The following DOK2 variants were observed in gnomAD, a reference collection of about 807,000 sequenced individuals.
The protein encoded by DOK2 is docking protein 2, 56kD.
A neutral mutation model predicts 26.0 loss-of-function variants in DOK2; 28 were observed. That is an observed-to-expected ratio of 1.08 (90% confidence interval 0.80 to 1.48). DOK2 has a LOEUF of 1.48. Among genes scored for constraint, DOK2 ranks in the 40% most tolerant of loss-of-function variants. The pLI, the probability that DOK2 is intolerant of heterozygous loss-of-function variation, is 0.00. For missense variants in DOK2, 682 were observed against 558.2 expected, an observed-to-expected ratio of 1.22 and a Z score of -2.23; for synonymous variants, 282 against 236.9, an observed-to-expected ratio of 1.19 and a Z score of -1.75.
Position 21,910,795 on chromosome 8 carries a change from G to T in DOK2, c.496C>A (p.Leu166Met), listed in dbSNP as rs780508425. Residue 166 changes from leucine to methionine, a missense_variant, in exon 4 of 5, where the codon CTG becomes ATG. Transcript: ENST00000276420. Reference sequence around the variant, plus strand: ...GCCCGGAGGGTATAGGACCCCCGCAGGTGGCACCTCTCACTGGCTTCTGTA... The same window carrying T: ...GCCCGGAGGGTATAGGACCCCCGCATGTGGCACCTCTCACTGGCTTCTGTA... ...RPTEASERCHLRGSYTLRAGE... is the reference protein window; with the variant it reads ...RPTEASERCHMRGSYTLRAGE... 2 of 1,613,768 alleles carry T rather than the reference G, an allele frequency of 1.2e-6. No individual in the cohort carries two copies. The highest frequency in any genetic ancestry group is 3.3e-5 in the Admixed American group (2 of 59,970).
intron 3 of DOK2, 122 bp downstream of exon 3, chr8:21,911,779 A>AG: frequency 9.0e-7 from 1 of 1,111,920 alleles, no homozygotes; most frequent in South Asian, 1.7e-5. Context: ...GGGCTGGCCC[A>AG]GGCTGGGGAT....
At position 21,909,755 on chromosome 8, in the gene DOK2, G is replaced by A. The variant is rs2117201627; in HGVS notation, c.795C>T (p.Pro265=). The A allele has an allele frequency of 6.2e-7, 1 of 1,613,848 alleles. No homozygotes were observed. The highest frequency in any genetic ancestry group is 8.5e-7 in the Non-Finnish European group (1 of 1,180,030). The part of the protein sequence containing the change: ...PQPATIPASL[P]RPDSPYSRPH... ...GCCGAGAGTAGGGGCTATCAGGCCG[G>A]GGCAGCGACGCGGGGATTGTGGCTG... The change falls in exon 5 of 5, where the codon CCC becomes CCT. Residue 265 remains proline (P), a synonymous_variant. Transcript: ENST00000276420.
intron 3 of DOK2, among the ~76,000 whole-genome samples, chr8:21,911,243 C>T (rs922108237): frequency 2.6e-5 from 4 of 152,170 alleles, no homozygotes; most frequent in Admixed American, 2.6e-4. Context: ...CTCCCACTGC[C>T]GGGGCCCTGG....
rs140347319 is a variant in DOK2, at chr8:21,909,635, C to G, written c.915G>C (p.Ala305=). Residue 305 remains alanine, a synonymous_variant, in exon 5 of 5, where the codon GCG becomes GCC. Coordinates refer to ENST00000276420, the MANE Select transcript of DOK2 (RefSeq NM_003974.4). ...QEGEYAVPFD[A]VARSLGKNFR... The stretch of plus-strand genomic sequence containing the variant: ...AGTTCTTCCCCAAGGAACGGGCCAC[C>G]GCATCGAAGGGCACGGCATACTCCC... The G allele has an allele frequency of 2.8e-5, 45 of 1,613,356 alleles. No homozygotes were observed. Among genetic ancestry groups the G allele is most frequent in the Non-Finnish European group, 3.8e-5 (45 of 1,180,042 alleles).
rs17853066 is a variant in DOK2, at chr8:21,909,389, G to C, written c.1161C>G (p.Ala387=). The change falls in exon 5 of 5, where the codon GCC becomes GCG. Residue 387 remains alanine (A), a synonymous_variant. Transcript: ENST00000276420. ...DPAGLQHVQP[A]GQDFSASGWQ... is the part of the protein sequence containing the mutation. ...AGCCAGAAGCAGAGAAATCCTGCCC[G>C]GCTGGCTGGACATGCTGGAGGCCAG... 11 of 1,598,694 alleles carry C rather than the reference G, an allele frequency of 6.9e-6. No individual in the cohort carries two copies. Among genetic ancestry groups the C allele is most frequent in the Non-Finnish European group, 9.4e-6 (11 of 1,171,646 alleles).
Position 21,912,371 on chromosome 8 carries a change from AC to A in DOK2, c.202del (p.Val68TrpfsTer86). ...KVIRLSDCLR[V>X]AEAGGEASSP... is the part of the protein sequence containing the mutation. ...GCTGGCCTCTCCGCCGGCCTCGGCC[AC>A]CCGCAGGCAGTCACTGAGGCGGATG... On this transcript the variant is annotated frameshift_variant, in exon 2 of 5. Coordinates refer to ENST00000276420, the MANE Select transcript of DOK2 (RefSeq NM_003974.4). LOFTEE classifies it high-confidence loss of function. 6.2e-7 allele frequency: 1 copy of A among 1,605,494 alleles called. No homozygotes were observed. The highest frequency in any genetic ancestry group is 1.3e-5 in the African/African-American group (1 of 74,822).
chr8:21,913,467 T>G (rs1017351456), intron 1 of DOK2, 72 bp downstream of exon 1: 3 of 1,581,338 alleles, frequency 1.9e-6, no homozygotes, highest in Admixed American at 1.7e-5. Flanking sequence ...AATATGAAAC[T>G]CCCTCTCCAA....
rs1326259935 is a variant in DOK2, at chr8:21,910,677, T to C, written c.614A>G (p.Asp205Gly). 6.2e-7 allele frequency: 1 copy of C among 1,613,886 alleles called. No individual in the cohort carries two copies. Among genetic ancestry groups the C allele is most frequent in the East Asian group, 2.2e-5 (1 of 44,864 alleles). ...PYRFLRRFGRDKVTFSFEAGR... is the reference protein window; with the variant it reads ...PYRFLRRFGRGKVTFSFEAGR... ...CTGATGCAGCTTCCCACTCACCTTG[T>C]CCCGCCCAAAGCGCCGCAGAAACCT... Residue 205 changes from aspartate to glycine, a missense_variant, in exon 4 of 5, where the codon GAC (aspartate) becomes GGC (glycine). Coordinates refer to ENST00000276420, the MANE Select transcript of DOK2 (RefSeq NM_003974.4).
chr8:21,912,732 G>A (rs924157056), intron 1 of DOK2, among the ~76,000 whole-genome samples: 4 of 152,190 alleles, frequency 2.6e-5, no homozygotes, highest in African/African-American at 9.6e-5. Flanking sequence ...CGAGAAGGAG[G>A]CCCACGAGCA....
At chr8:21,912,036 C>G (rs773672735) in intron 2 of DOK2, 48 bp from the exon 3 acceptor site, 2 of 1,528,428 alleles carry the variant, frequency 1.3e-6, no homozygotes, top group Admixed American at 2.0e-5. Flanking sequence ...TCCCCAGGCC[C>G]CCCTCTGGCC....
intron 1 of DOK2, among the ~76,000 whole-genome samples, 174 bp downstream of exon 1, chr8:21,913,365 C>A (rs1196958732): frequency 6.6e-6 from 1 of 152,190 alleles, no homozygotes; most frequent in African/African-American, 2.4e-5. Flanking sequence ...GGGCCTGGTT[C>A]AGGAGACAGC....
intron 3 of DOK2, chr8:21,911,082 C>T (rs1343653373): frequency 7.6e-5 from 43 of 566,886 alleles, no homozygotes; most frequent in Non-Finnish European, 1.6e-5. Flanking sequence ...CATCACGCCC[C>T]TACCCACATC....
At chr8:21,912,600 G>T (rs770853017) in intron 1 of DOK2, 90 bp from the exon 2 acceptor site, 138 of 1,306,238 alleles carry the variant, frequency 1.1e-4, no homozygotes, top group Non-Finnish European at 1.3e-4. Flanking sequence ...AACCGTGGGA[G>T]GGGGACTGGG....
chr8:21,912,705 A>C, intron 1 of DOK2, 195 bp from the exon 2 acceptor site: 1 of 602,422 alleles, frequency 1.7e-6, no homozygotes, highest in South Asian at 2.2e-5. Flanking sequence ...AGAAAATCGG[A>C]GATCAGCCGC....
rs745897950 is a variant in DOK2 at position 21,909,898 on chromosome 8, C to T, written c.652G>A (p.Val218Ile). 2.5e-5 allele frequency: 40 copies of T among 1,612,348 alleles called. No homozygotes were observed. Among genetic ancestry groups the T allele is most frequent in the Middle Eastern group, 1.6e-4 (1 of 6,082 alleles). The change falls in exon 5 of 5, where the codon GTC becomes ATC. Residue 218 changes from valine (V) to isoleucine (I), a missense_variant. Physicochemically the swap from Val to Ile is conservative, Grantham distance 29. Coordinates refer to ENST00000276420, the MANE Select transcript of DOK2 (RefSeq NM_003974.4). ...AACTCAAAGTTGCCCTCTCCAGAGA[C>T]GCAGCGACGGCCTGCCTCAAAGGAA... ...TFSFEAGRRC[V>I]SGEGNFEFET...
In DOK2 at chr8:21,909,304, G is replaced by A. The variant is rs1409475888; in HGVS notation, c.*7C>T. On this transcript the variant is annotated 3_prime_UTR_variant, in exon 5 of 5. Coordinates refer to ENST00000276420, the MANE Select transcript of DOK2 (RefSeq NM_003974.4). ...AGGGGCGGTGGACCATCCCTCTGCT[G>A]CCTCTGTCACTTTGGGCCTTTCTTT... The A allele has an allele frequency of 2.6e-6, 4 of 1,524,300 alleles. No homozygotes were observed. Among genetic ancestry groups the A allele is most frequent in the South Asian group, 1.3e-5 (1 of 76,108 alleles). 94.4% of individuals were successfully genotyped at this position (1,524,300 alleles called of 1,614,324 possible).
chr8:21,913,429 G>C lies in DOK2; in HGVS notation c.63+110C>G, dbSNP rs1453920823. On this transcript the variant is annotated intron_variant, in intron 1 of 4. Coordinates refer to ENST00000276420, the MANE Select transcript of DOK2 (RefSeq NM_003974.4). ...TTGAGCTCTGGGTCTAACTTGGTGG[G>C]TGCACAGTCAGACCTATAAGGGTTT... is the stretch of plus-strand genomic sequence containing the variant. 5 of 1,318,084 alleles carry C rather than the reference G, an allele frequency of 3.8e-6. No homozygotes were observed. In the African/African-American group the frequency reaches 7.3e-5, roughly 19 times the overall value. 81.6% of individuals were successfully genotyped at this position (1,318,084 alleles called of 1,614,324 possible). A position where few individuals can be genotyped will look rare whatever the true frequency, so the allele number is the denominator to read the frequency against.
At position 21,912,375 on chromosome 8, in the gene DOK2, G is replaced by A; in HGVS notation, c.199C>T (p.Arg67Trp). ...GCCTCTCCGCCGGCCTCGGCCACCC[G>A]CAGGCAGTCACTGAGGCGGATGACC... The part of the protein sequence containing the change: ...RKVIRLSDCL[R>W]VAEAGGEASS... The change falls in exon 2 of 5, where the codon CGG (arginine) becomes TGG (tryptophan). Residue 67 changes from arginine (R) to tryptophan (W), a missense_variant. Physicochemically the swap from Arg to Trp is moderately radical, Grantham distance 101. Transcript: ENST00000276420. The A allele has an allele frequency of 1.9e-6, 3 of 1,604,738 alleles. No individual in the cohort carries two copies. Among genetic ancestry groups the A allele is most frequent in the African/African-American group, 1.3e-5 (1 of 74,826 alleles).
rs144181895 is a variant in DOK2, at chr8:21,909,872, G to A, written c.678C>T (p.Phe226=). ...AGATCTCATTGCCTTGCCGGGTTTC[G>A]AACTCAAAGTTGCCCTCTCCAGAGA... ...RCVSGEGNFE[F]ETRQGNEIFL... Residue 226 remains phenylalanine, a synonymous_variant, in exon 5 of 5, where the codon TTC becomes TTT. Coordinates refer to ENST00000276420, the MANE Select transcript of DOK2 (RefSeq NM_003974.4). 80 of 1,613,778 alleles carry A rather than the reference G, an allele frequency of 5.0e-5. No homozygotes were observed. The Admixed American group carries it at 7.2e-4, about 14-fold the overall frequency.
Sources: allele counts gnomAD v4.1 joint callset (sites outside exome capture counted in the v4.1 genomes callset), GRCh38; gene constraint gnomAD v4.1.1; transcripts MANE v1.5; gene names NCBI Gene and HGNC (gene_info 2026-07-23, HGNC 2026-07-21).